DOK6: variants seen among roughly 807,000 people sequenced by gnomAD.
DOK6 encodes downstream of tyrosine kinase 6.
Under a neutral mutation model 44.0 loss-of-function variants are expected in DOK6, and 22 were observed. That is an observed-to-expected ratio of 0.50 (90% confidence interval 0.36 to 0.71). The LOEUF is 0.71. Among genes scored for constraint, DOK6 ranks in the 30% least tolerant of loss-of-function variants. DOK6 has a pLI of 0.00. For synonymous variants in DOK6, 166 were observed against 145.5 expected (o/e 1.14, Z -1.01); for missense variants, 340 against 416.4 (o/e 0.82, Z 1.60).
At chr18:69,544,469 A>AG (rs928961424) in intron 1 of DOK6, among the ~76,000 whole-genome samples, 10 of 151,690 alleles carry the variant, frequency 6.6e-5, no homozygotes, top group Non-Finnish European at 1.3e-4. Context: ...CAGTCAGTAA[A>AG]GGAGGAGAAC....
At chr18:69,496,871 T>C (rs932722414) in intron 1 of DOK6, among the ~76,000 whole-genome samples, 13 of 152,340 alleles carry the variant, frequency 8.5e-5, no homozygotes, top group African/African-American at 2.4e-4. Context: ...AGAACATTTA[T>C]TGAAAATTTG....
intron 1 of DOK6, among the ~76,000 whole-genome samples, chr18:69,433,803 G>T (rs147366773): frequency 3.3e-4 from 50 of 152,278 alleles, no homozygotes; most frequent in African/African-American, 1.2e-3. Flanking sequence ...ATGACATGAA[G>T]TTCAATAGAG....
chr18:69,536,947 G>A (rs1332491162), intron 1 of DOK6, among the ~76,000 whole-genome samples: 1 of 149,894 alleles, frequency 6.7e-6, no homozygotes, highest in African/African-American at 2.4e-5. Context: ...ACACAAGAAT[G>A]TTCACATTAA....
chr18:69,756,804 G>C (rs1979369624), intron 6 of DOK6, among the ~76,000 whole-genome samples: 1 of 152,312 alleles, frequency 6.6e-6, no homozygotes, highest in Middle Eastern at 3.4e-3. Context: ...GCCTAGATTT[G>C]ACAGAGATGA....
At chr18:69,484,410 T>C (rs1042229591) in intron 1 of DOK6, among the ~76,000 whole-genome samples, 2 of 152,214 alleles carry the variant, frequency 1.3e-5, no homozygotes, top group Non-Finnish European at 2.9e-5. Context: ...ATTTAGAAGC[T>C]ATCTTTCTTT....
chr18:69,752,500 A>T (rs928716091), intron 6 of DOK6, among the ~76,000 whole-genome samples: 4 of 152,214 alleles, frequency 2.6e-5, no homozygotes, highest in Non-Finnish European at 2.9e-5. Context: ...TTCAGTATGG[A>T]TATAGTGAAT....
chr18:69,814,552 G>A (rs901704792), intron 7 of DOK6, among the ~76,000 whole-genome samples: 3 of 152,096 alleles, frequency 2.0e-5, no homozygotes, highest in Non-Finnish European at 4.4e-5. Context: ...AGAACTATCC[G>A]AGACTGGATA....
At chr18:69,488,705 C>G (rs1324899220) in intron 1 of DOK6, among the ~76,000 whole-genome samples, 2 of 152,144 alleles carry the variant, frequency 1.3e-5, no homozygotes. Context: ...AGAAGAACAG[C>G]AAGGGAAAAA....
intron 1 of DOK6, among the ~76,000 whole-genome samples, chr18:69,550,538 A>G (rs1982534719): frequency 6.6e-6 from 1 of 152,166 alleles, no homozygotes; most frequent in African/African-American, 2.4e-5. Flanking sequence ...TTGCAGAATC[A>G]TTTACACATG....
At chr18:69,586,288 A>T (rs1983498403) in intron 2 of DOK6, among the ~76,000 whole-genome samples, 1 of 152,138 alleles carries the variant, frequency 6.6e-6, no homozygotes, top group African/African-American at 2.4e-5. Context: ...GCTTTTTGAC[A>T]AAGAAATGTT....
chr18:69,502,060 A>G (rs536616171), intron 1 of DOK6, among the ~76,000 whole-genome samples: 2 of 152,274 alleles, frequency 1.3e-5, no homozygotes, highest in East Asian at 3.9e-4. Flanking sequence ...TACATAGAAT[A>G]GTTTGTTTTA....
chr18:69,667,068 A>T (rs1394731712), intron 3 of DOK6, among the ~76,000 whole-genome samples: 1 of 152,140 alleles, frequency 6.6e-6, no homozygotes, highest in Non-Finnish European at 1.5e-5. Context: ...GGCTGTCAGA[A>T]TTAATCTCAA....
chr18:69,748,685 AG>A (rs1174867506), intron 6 of DOK6, among the ~76,000 whole-genome samples: 1 of 152,202 alleles, frequency 6.6e-6, no homozygotes, highest in Non-Finnish European at 1.5e-5. Context: ...GTGGAGTAAT[AG>A]GAACATTTTT....
At chr18:69,668,731 C>T (rs1251958949) in intron 3 of DOK6, among the ~76,000 whole-genome samples, 2 of 152,098 alleles carry the variant, frequency 1.3e-5, no homozygotes, top group Non-Finnish European at 2.9e-5. Context: ...TGGATTTGAT[C>T]ATTCCGCAAT....
chr18:69,754,247 G>A (rs1044820089), intron 6 of DOK6, among the ~76,000 whole-genome samples: 1 of 151,702 alleles, frequency 6.6e-6, no homozygotes, highest in Non-Finnish European at 1.5e-5. Context: ...CAGGCTACTC[G>A]GGAGGCTGAG....
chr18:69,716,608 C>T (rs553886150), intron 5 of DOK6, among the ~76,000 whole-genome samples: 1 of 149,172 alleles, frequency 6.7e-6, no homozygotes, highest in South Asian at 2.1e-4. Context: ...TTTCAGAACC[C>T]TTATTGCCAT....
Position 69,841,186 on chromosome 18 carries a change from G to A in DOK6, c.857-58G>A, listed in dbSNP as rs576272076. ...AGATAATAGATAGATGATAGATAGTGTATCTTTTGTGCTTCTGAATCTGTT... is the reference window on the plus strand; with the variant it reads ...AGATAATAGATAGATGATAGATAGTATATCTTTTGTGCTTCTGAATCTGTT... On this transcript the variant is annotated intron_variant, in intron 7 of 7. Coordinates refer to ENST00000382713, the MANE Select transcript of DOK6 (RefSeq NM_152721.6). 10 of 1,602,450 alleles carry A rather than the reference G, an allele frequency of 6.2e-6. No homozygotes were observed. In the African/African-American group the frequency reaches 9.4e-5, roughly 15 times the overall value.
intron 1 of DOK6, among the ~76,000 whole-genome samples, chr18:69,556,357 T>G (rs1982685950): frequency 6.6e-6 from 1 of 152,180 alleles, no homozygotes; most frequent in Non-Finnish European, 1.5e-5. Context: ...CACTCATTCT[T>G]TCATGTTCTC....
chr18:69,802,835 C>CT (rs947887806), intron 7 of DOK6, among the ~76,000 whole-genome samples: 8 of 152,016 alleles, frequency 5.3e-5, no homozygotes, highest in African/African-American at 1.9e-4. Context: ...TAAACCTCTT[C>CT]TTTTTTTTAA....
Sources: allele counts gnomAD v4.1 joint callset (sites outside exome capture counted in the v4.1 genomes callset), GRCh38; gene constraint gnomAD v4.1.1; transcripts MANE v1.5; gene names NCBI Gene and HGNC (gene_info 2026-07-23, HGNC 2026-07-21).